Variants in TMEM161B observed in about 807,000 individuals in gnomAD.
TMEM161B encodes the protein transmembrane protein 161B.
TMEM161B carries 34 observed loss-of-function variants against 61.8 expected under a neutral mutation model. The observed-to-expected ratio is 0.55, with a 90% CI of 0.42 to 0.73. TMEM161B has a LOEUF of 0.73. Ranked by LOEUF, TMEM161B falls within the 30% of genes least tolerant of loss-of-function variation. The probability of loss-of-function intolerance (pLI) is 0.00; values close to 1 mark genes in which losing one functional copy is unlikely to be tolerated. For missense variants in TMEM161B, 456 were observed against 558.5 expected, an observed-to-expected ratio of 0.82 and a Z score of 1.85; for synonymous variants, 167 against 192.8, an observed-to-expected ratio of 0.87 and a Z score of 1.11.
At chr5:88,192,014 A>ATATATATGTATATATATATG (rs1748986805), downstream of TMEM161B, among the ~76,000 whole-genome samples, 1 of 93,788 alleles carries the variant, frequency 1.1e-5, no homozygotes, top group African/African-American at 4.5e-5. Context: ...ATATATATAT[A>ATATATATGTATATATATATG]TATATATATA....
chr5:88,190,897 A>T (rs1313724643), downstream of TMEM161B, among the ~76,000 whole-genome samples: 1 of 152,122 alleles, frequency 6.6e-6, no homozygotes, highest in Non-Finnish European at 1.5e-5. Context: ...TACAGTGTAC[A>T]TTATTCTTTT....
downstream of TMEM161B, among the ~76,000 whole-genome samples, chr5:88,191,215 A>G (rs1265764445): frequency 1.3e-5 from 2 of 152,202 alleles, no homozygotes; most frequent in Non-Finnish European, 2.9e-5. Flanking sequence ...TTTTCTTTTA[A>G]CATATTAAAG....
At chr5:88,201,698 GTA>G (rs1744437411) in intron 9 of TMEM161B, 1 of 152,262 alleles carries the variant, frequency 6.6e-6, no homozygotes, top group Non-Finnish European at 1.5e-5. Context: ...ATATGAATTA[GTA>G]GTTTCTCTGA....
chr5:88,198,037 C>T (rs1749999058), intron 10 of TMEM161B: 1 of 245,190 alleles, frequency 4.1e-6, no homozygotes, highest in Non-Finnish European at 7.8e-6. Context: ...AAAATAATGA[C>T]TAAGATTCAA....
intron 1 of TMEM161B, among the ~76,000 whole-genome samples, chr5:88,263,336 G>C (rs985447954): frequency 5.3e-5 from 8 of 152,072 alleles, no homozygotes; most frequent in Non-Finnish European, 1.2e-4. Flanking sequence ...CAATAAATGA[G>C]GGCCGAGATT....
chr5:88,222,605 TC>T (rs1749205196), intron 4 of TMEM161B, among the ~76,000 whole-genome samples: 2 of 152,206 alleles, frequency 1.3e-5, no homozygotes, highest in South Asian at 4.1e-4. Context: ...ATTCTAATTC[TC>T]CAAACCTACC....
chr5:88,234,647 T>C (rs1383807378), intron 2 of TMEM161B, among the ~76,000 whole-genome samples: 1 of 152,190 alleles, frequency 6.6e-6, no homozygotes, highest in Admixed American at 6.5e-5. Flanking sequence ...GCCTTTCTAA[T>C]ATGGGCTTGG....
chr5:88,234,356 T>C (rs917368395), intron 2 of TMEM161B, among the ~76,000 whole-genome samples: 9 of 152,114 alleles, frequency 5.9e-5, no homozygotes, highest in Admixed American at 4.6e-4. Flanking sequence ...AGGATTTAGG[T>C]TGAAAAAGTT....
intron 1 of TMEM161B, among the ~76,000 whole-genome samples, chr5:88,257,789 G>A (rs977923717): frequency 6.6e-6 from 1 of 152,142 alleles, no homozygotes; most frequent in African/African-American, 2.4e-5. Context: ...GACCTGAAAG[G>A]AAATCAGAGT....
chr5:88,210,476 T>C (rs1356478746), intron 5 of TMEM161B, among the ~76,000 whole-genome samples: 3 of 152,150 alleles, frequency 2.0e-5, no homozygotes, highest in Non-Finnish European at 4.4e-5. Flanking sequence ...CTCACAACTC[T>C]CCACTCTGAT....
intron 1 of TMEM161B, among the ~76,000 whole-genome samples, chr5:88,249,904 A>T (rs1754104747): frequency 6.6e-6 from 1 of 152,156 alleles, no homozygotes; most frequent in Non-Finnish European, 1.5e-5. Flanking sequence ...AGAAGAAGAC[A>T]AGAGGGAAAC....
chr5:88,265,829 C>T (rs1756306255), intron 1 of TMEM161B, among the ~76,000 whole-genome samples: 1 of 152,204 alleles, frequency 6.6e-6, no homozygotes, highest in Admixed American at 6.5e-5. Flanking sequence ...CACCTGCCCA[C>T]AAACCATTGT....
At position 88,195,248 on chromosome 5, in the gene TMEM161B, A is replaced by G. The variant is rs983086399; in HGVS notation, c.*963T>C. 7 of 961,576 alleles carry G rather than the reference A, an allele frequency of 7.3e-6. No individual in the cohort carries two copies. The highest frequency in any genetic ancestry group is 7.4e-6 in the Non-Finnish European group (6 of 808,074). The allele number at this position is 961,576 out of a possible 1,614,324, so 59.6% of individuals were successfully genotyped here. On this transcript the variant is annotated 3_prime_UTR_variant, in exon 12 of 12. Transcript: ENST00000296595. ...TTTTAATCTCATTCCAAAAAGAAAT[A>G]AAATTTCTAGATACAAATACATCTC...
intron 4 of TMEM161B, among the ~76,000 whole-genome samples, chr5:88,222,145 T>G (rs957949228): frequency 6.6e-6 from 1 of 152,344 alleles, no homozygotes; most frequent in Admixed American, 6.5e-5. Flanking sequence ...CATAGCTCAC[T>G]GCAGCCTCAG....
intron 4 of TMEM161B, among the ~76,000 whole-genome samples, chr5:88,224,425 CATATTA>C (rs1309869691): frequency 6.6e-6 from 1 of 152,028 alleles, no homozygotes; most frequent in Non-Finnish European, 1.5e-5. Context: ...CAAATAATTT[CATATTA>C]ATATTATTTT....
intron 5 of TMEM161B, among the ~76,000 whole-genome samples, chr5:88,208,784 C>T (rs1428696617): frequency 2.6e-5 from 4 of 152,160 alleles, no homozygotes; most frequent in African/African-American, 7.2e-5. Flanking sequence ...AATCTGTGCA[C>T]GTAACTATTG....
chr5:88,231,393 C>T (rs1464615605), intron 2 of TMEM161B, among the ~76,000 whole-genome samples: 3 of 152,112 alleles, frequency 2.0e-5, no homozygotes, highest in Non-Finnish European at 4.4e-5. Flanking sequence ...TGTACTAACT[C>T]CAGGTAATTA....
chr5:88,195,141 T>C lies in TMEM161B; in HGVS notation c.*1070A>G, dbSNP rs1749408530. 2.0e-6 allele frequency: 2 copies of C among 985,336 alleles called. No homozygotes were observed. Among genetic ancestry groups the C allele is most frequent in the Non-Finnish European group, 2.4e-6 (2 of 829,588 alleles). 61.0% of individuals were successfully genotyped at this position (985,336 alleles called of 1,614,324 possible). ...AAGAATTTTAATTTGGGAGAAACCA[T>C]TAAGCGTCCATAAAACTTTAAATAC... On this transcript the variant is annotated 3_prime_UTR_variant, in exon 12 of 12. Coordinates refer to ENST00000296595, the MANE Select transcript of TMEM161B (RefSeq NM_153354.5).
chr5:88,228,538 A>G lies in TMEM161B; in HGVS notation c.108-10T>C. On this transcript the variant is annotated splice_polypyrimidine_tract_variant and intron_variant, in intron 2 of 11. Transcript: ENST00000296595. ...TTGATACCACCTCAAACTAAGCAAAAAAAGAATTCTTTTAAATAAAGCGCT... is the reference window on the plus strand; with the variant it reads ...TTGATACCACCTCAAACTAAGCAAAGAAAGAATTCTTTTAAATAAAGCGCT... The G allele has an allele frequency of 6.4e-7, 1 of 1,573,428 alleles. No individual in the cohort carries two copies. The highest frequency in any genetic ancestry group is 1.2e-5 in the South Asian group (1 of 83,128).
Sources: gnomAD v4.1 joint callset for allele counts (sites outside exome capture counted in the v4.1 genomes callset) on GRCh38, gnomAD v4.1.1 for gene constraint, MANE v1.5 for transcripts, NCBI Gene and HGNC (gene_info 2026-07-23, HGNC 2026-07-21) for gene names.